Variants in TMEM91 observed in about 807,000 individuals in gnomAD.
TMEM91 encodes transmembrane protein 91.
Under a neutral mutation model 13.3 loss-of-function variants are expected in TMEM91, and 6 were observed. That is an observed-to-expected ratio of 0.45 (90% CI 0.25 to 0.89). TMEM91 has a LOEUF of 0.89. Ranked by LOEUF, TMEM91 falls within the 40% of genes least tolerant of loss-of-function variation. TMEM91 has a pLI of 0.19. For synonymous variants in TMEM91, 87 were observed against 101.7 expected (o/e 0.86, Z 0.87); for missense variants, 193 against 228.7 (o/e 0.84, Z 1.01).
chr19:41,383,417 G>A (rs1465920261), intron 3 of TMEM91: 1 of 996,708 alleles, frequency 1.0e-6, no homozygotes, highest in African/African-American at 1.7e-5. Flanking sequence ...TCTGTAAAGT[G>A]GGAATAATTG....
At chr19:41,367,423 G>C (rs915030022) in intron 1 of TMEM91, among the ~76,000 whole-genome samples, 2 of 152,102 alleles carry the variant, frequency 1.3e-5, no homozygotes, top group Admixed American at 6.6e-5. Flanking sequence ...ACGAGGTCAG[G>C]GGTTCAAGAC....
At chr19:41,363,950 A>T (rs545544921), upstream of TMEM91, 34 of 327,452 alleles carry the variant, frequency 1.0e-4, 1 homozygote, top group African/African-American at 6.9e-4. Flanking sequence ...CGCATGCGTC[A>T]TTCCTACCTT....
In TMEM91 at chr19:41,382,772, G is replaced by GACATGACAGTC; in HGVS notation, c.216_217insACAGTCACATG (p.Ser73ThrfsTer49). On this transcript the variant is annotated frameshift_variant and splice_region_variant, in exon 3 of 4. Coordinates refer to ENST00000392002, the MANE Select transcript of TMEM91 (RefSeq NM_001098821.2). LOFTEE classifies it high-confidence loss of function. ...CACCTGGGCACTTTCCTGTCCGTAG[G>GACATGACAGTC]ACATGTCATCCAGTGACAGTGACTC... 6.2e-7 allele frequency: 1 copy of GACATGACAGTC among 1,613,628 alleles called. No individual in the cohort carries two copies. Among genetic ancestry groups the GACATGACAGTC allele is most frequent in the South Asian group, 1.1e-5 (1 of 91,024 alleles).
intron 2 of TMEM91, among the ~76,000 whole-genome samples, chr19:41,380,214 G>C (rs1049807370): frequency 6.6e-6 from 1 of 152,016 alleles, no homozygotes; most frequent in Non-Finnish European, 1.5e-5. Flanking sequence ...GCTTCTATGT[G>C]GTCTCTCCAT....
chr19:41,383,429 T>C, intron 3 of TMEM91: 1 of 1,084,936 alleles, frequency 9.2e-7, no homozygotes. Context: ...GAATAATTGC[T>C]ACCTCTGGGT....
chr19:41,373,484 T>C (rs2038656157), upstream of TMEM91, among the ~76,000 whole-genome samples: 2 of 150,514 alleles, frequency 1.3e-5, no homozygotes, highest in Non-Finnish European at 3.0e-5. Flanking sequence ...TGCCAGGCAC[T>C]GTTTTAGGCC....
chr19:41,382,971 T>G (rs1301446768), intron 3 of TMEM91, 50 bp downstream of exon 3: 12 of 1,595,068 alleles, frequency 7.5e-6, no homozygotes, highest in Non-Finnish European at 1.0e-5. Flanking sequence ...AAGAGAAAAA[T>G]GCACCACAAA....
upstream of TMEM91, among the ~76,000 whole-genome samples, chr19:41,375,785 C>G (rs2038705546): frequency 6.6e-6 from 1 of 151,228 alleles, no homozygotes; most frequent in South Asian, 2.1e-4. Flanking sequence ...GCCTTCCAGC[C>G]TGGGCGATCA....
At chr19:41,378,572 C>T in intron 2 of TMEM91, 53 bp downstream of exon 2, 1 of 1,585,296 alleles carries the variant, frequency 6.3e-7, no homozygotes, top group South Asian at 1.1e-5. Flanking sequence ...GGGGTGAGCC[C>T]CACTAAGGCC....
chr19:41,368,043 G>C (rs984577766), intron 1 of TMEM91, among the ~76,000 whole-genome samples: 2 of 152,078 alleles, frequency 1.3e-5, no homozygotes, highest in Non-Finnish European at 2.9e-5. Flanking sequence ...AGGCTACATA[G>C]CAACATTCCT....
At position 41,378,412 on chromosome 19, in the gene TMEM91, T is replaced by C. The variant is rs200174497; in HGVS notation, c.103T>C (p.Leu35=). The change falls in exon 2 of 4, where the codon TTA becomes CTA. Residue 35 remains leucine, a synonymous_variant. Coordinates refer to ENST00000392002, the MANE Select transcript of TMEM91 (RefSeq NM_001098821.2). ...KPGRHELGSP[L]REIAFAESLR... is the part of the protein sequence containing the mutation. ...TGGCAGGCATGAGCTGGGGTCCCCC[T>C]TAAGAGAGATAGCCTTTGCCGAGTC... 157 of 1,614,200 alleles carry C rather than the reference T, an allele frequency of 9.7e-5. No homozygotes were observed. Among genetic ancestry groups the C allele is most frequent in the Admixed American group, 6.2e-4 (37 of 60,024 alleles).
intron 1 of TMEM91, among the ~76,000 whole-genome samples, chr19:41,370,095 G>C (rs965055371): frequency 3.3e-5 from 5 of 151,302 alleles, no homozygotes; most frequent in African/African-American, 9.7e-5. Context: ...TTTATTTTTT[G>C]AGATGGAGTT....
At chr19:41,382,699 G>A in intron 2 of TMEM91, 73 bp from the exon 3 acceptor site, 1 of 1,551,286 alleles carries the variant, frequency 6.4e-7, no homozygotes, top group Non-Finnish European at 8.7e-7. Context: ...GGCCTTTGAG[G>A]GCTATGGAGA....
upstream of TMEM91, among the ~76,000 whole-genome samples, chr19:41,374,723 C>T (rs2038677908): frequency 6.6e-6 from 1 of 152,070 alleles, no homozygotes; most frequent in South Asian, 2.1e-4. Context: ...GTGGCTCACA[C>T]CTGTAATCCC....
chr19:41,373,522 T>C (rs575685961), upstream of TMEM91, among the ~76,000 whole-genome samples: 46 of 148,268 alleles, frequency 3.1e-4, no homozygotes, highest in African/African-American at 1.1e-3. Flanking sequence ...AAAAACGAGA[T>C]CAAATCTCAG....
chr19:41,382,540 T>C lies in TMEM91; in HGVS notation c.211-232T>C, dbSNP rs149687121. On this transcript the variant is annotated intron_variant, in intron 2 of 3. Transcript: ENST00000392002. ...CGGGAAGCTGAGGCAGGAGAATCAT[T>C]TGAACCCGGGAGGCAGTGAGCCGAG... 8.8e-3 allele frequency among the ~76,000 whole-genome samples: 1,345 copies of C among 152,282 alleles called. 9 individuals carry two copies. The highest frequency in any genetic ancestry group is 0.014 in the Non-Finnish European group (957 of 68,016).
chr19:41,370,393 T>TTTTATTTATTTATTTATTTATTTA (rs60423207), intron 1 of TMEM91, among the ~76,000 whole-genome samples: 107 of 143,056 alleles, frequency 7.5e-4, no homozygotes, highest in South Asian at 2.0e-3. Flanking sequence ...TTTATTTTTA[T>TTTTATTTATTTATTTATTTATTTA]TTTATTTATT....
At chr19:41,365,395 T>C (rs1286901723) in intron 1 of TMEM91, among the ~76,000 whole-genome samples, 1 of 152,090 alleles carries the variant, frequency 6.6e-6, no homozygotes, top group African/African-American at 2.4e-5. Flanking sequence ...TGTTGTACCC[T>C]CGTTATAATT....
chr19:41,370,657 G>A (rs973762168), intron 1 of TMEM91, among the ~76,000 whole-genome samples: 9 of 151,500 alleles, frequency 5.9e-5, no homozygotes, highest in East Asian at 1.9e-4. Context: ...CACCCGCCTC[G>A]GCCTCCCAAA....
Sources: allele counts gnomAD v4.1 joint callset (sites outside exome capture counted in the v4.1 genomes callset), GRCh38; gene constraint gnomAD v4.1.1; transcripts MANE v1.5; gene names NCBI Gene and HGNC (gene_info 2026-07-23, HGNC 2026-07-21).